Variants in ETV6 observed in about 807,000 individuals in gnomAD.
ETV6 encodes ETS variant transcription factor 6.
Under a neutral mutation model 51.1 loss-of-function variants are expected in ETV6, and 16 were observed. The ratio of observed to expected loss-of-function variants is 0.31; its 90% CI spans 0.21 to 0.48. ETV6 has a LOEUF of 0.48. Among genes scored for constraint, ETV6 ranks in the 20% least tolerant of loss-of-function variants. The pLI, the probability that ETV6 is intolerant of heterozygous loss-of-function variation, is 0.99. For missense variants in ETV6, 458 were observed against 594.8 expected (o/e 0.77, Z 2.39); for synonymous variants, 240 against 224.1 (o/e 1.07, Z -0.64).
intron 2 of ETV6, among the ~76,000 whole-genome samples, chr12:11,799,709 C>G (rs983813799): frequency 6.6e-6 from 1 of 152,154 alleles, no homozygotes; most frequent in Non-Finnish European, 1.5e-5. Flanking sequence ...CTTCTTGGTC[C>G]CCAAACTGGG....
intron 2 of ETV6, among the ~76,000 whole-genome samples, chr12:11,808,208 G>A (rs544963259): frequency 1.8e-4 from 27 of 152,320 alleles, no homozygotes; most frequent in Admixed American, 1.1e-3. Flanking sequence ...AAGGGCAGTA[G>A]AATTGAGCCC....
intron 3 of ETV6, among the ~76,000 whole-genome samples, chr12:11,847,675 G>T (rs578239340): frequency 2.0e-5 from 3 of 152,208 alleles, no homozygotes; most frequent in Non-Finnish European, 2.9e-5. Context: ...ACAACAGGGA[G>T]GTGACCTGAG....
Position 11,890,998 on chromosome 12 carries a change from A to G in ETV6, c.1311A>G (p.Leu437=), listed in dbSNP as rs766535859. ...GCCGAACAGACCGTCTGGAGCACCT[A>G]GAGTCCCAGGAGCTGGATGAACAAA... ...MSGRTDRLEH[L]ESQELDEQIY... Residue 437 remains leucine (L), a synonymous_variant, in exon 8 of 8, where the codon CTA becomes CTG. Transcript: ENST00000396373. 3.5e-5 allele frequency: 56 copies of G among 1,613,932 alleles called. No homozygotes were observed. The highest frequency in any genetic ancestry group is 4.6e-5 in the Non-Finnish European group (54 of 1,179,840).
chr12:11,664,548 C>G (rs1039690188), intron 1 of ETV6, among the ~76,000 whole-genome samples: 2 of 152,168 alleles, frequency 1.3e-5, no homozygotes, highest in Non-Finnish European at 2.9e-5. Flanking sequence ...AGTCACCTCT[C>G]TGTCATTCTT....
At chr12:11,742,719 A>G (rs1184646031) in intron 1 of ETV6, among the ~76,000 whole-genome samples, 5 of 152,138 alleles carry the variant, frequency 3.3e-5, no homozygotes, top group Admixed American at 2.0e-4. Context: ...CTTCATCATA[A>G]TAACACCTTG....
chr12:11,723,257 G>A (rs1325615645), intron 1 of ETV6, among the ~76,000 whole-genome samples: 1 of 152,070 alleles, frequency 6.6e-6, no homozygotes, highest in East Asian at 1.9e-4. Flanking sequence ...AGTATGACAC[G>A]GTTATAGGCT....
chr12:11,800,532 T>C (rs1237162678), intron 2 of ETV6, among the ~76,000 whole-genome samples: 1 of 151,492 alleles, frequency 6.6e-6, no homozygotes, highest in Non-Finnish European at 1.5e-5. Context: ...AACTGACGTT[T>C]TGTATCCTTT....
intron 2 of ETV6, among the ~76,000 whole-genome samples, chr12:11,794,821 C>T (rs1275408325): frequency 1.3e-5 from 2 of 152,182 alleles, no homozygotes. Context: ...ATGAGATTTG[C>T]CATTGAGGCA....
rs1565555150 is a variant in ETV6, at chr12:11,859,118, G to GCTTT, written c.463+5557_463+5558insCTTT. On this transcript the variant is annotated intron_variant, in intron 4 of 7. Coordinates refer to ENST00000396373, the MANE Select transcript of ETV6 (RefSeq NM_001987.5). ...TAAAGAAGATGAGGTATATGAATCTGGTTTTTTTTTTTTTTTTTTTTTTTT... is the reference window on the plus strand; with the variant it reads ...TAAAGAAGATGAGGTATATGAATCTGCTTTGTTTTTTTTTTTTTTTTTTTTTTTT... Among the ~76,000 whole-genome samples the GCTTT allele has an allele frequency of 4.5e-3, 189 of 41,800 alleles. 89 individuals carry two copies. Among genetic ancestry groups the GCTTT allele is most frequent in the Middle Eastern group, 0.024 (2 of 84 alleles). The allele number at this position is 41,800 out of a possible 152,430, so 27.4% of individuals were successfully genotyped here.
At chr12:11,860,826 T>G (rs1946705688) in intron 4 of ETV6, among the ~76,000 whole-genome samples, 1 of 152,204 alleles carries the variant, frequency 6.6e-6, no homozygotes, top group African/African-American at 2.4e-5. Flanking sequence ...CTTCCACTTT[T>G]CTTAACCATT....
chr12:11,736,459 T>C lies in ETV6; in HGVS notation c.34-15991T>C, dbSNP rs1458350434. 5.0e-4 allele frequency among the ~76,000 whole-genome samples: 76 copies of C among 152,242 alleles called. 1 individual carries two copies. Among genetic ancestry groups the C allele is most frequent in the Admixed American group, 4.7e-3 (72 of 15,286 alleles). On this transcript the variant is annotated intron_variant, in intron 1 of 7. Coordinates refer to ENST00000396373, the MANE Select transcript of ETV6 (RefSeq NM_001987.5). Reference sequence around the variant, plus strand: ...CAAGTCTGTCCAGGTATACTTGATATTGTTTTTGATCAGGTACAAGAAACG... The same window carrying C: ...CAAGTCTGTCCAGGTATACTTGATACTGTTTTTGATCAGGTACAAGAAACG...
At chr12:11,759,249 A>ATT (rs1422394263) in intron 2 of ETV6, among the ~76,000 whole-genome samples, 3 of 151,678 alleles carry the variant, frequency 2.0e-5, no homozygotes, top group African/African-American at 7.3e-5. Context: ...CTCTGTGTAC[A>ATT]TTTAAGGCAG....
chr12:11,871,800 G>T (rs1946885215), intron 5 of ETV6, among the ~76,000 whole-genome samples: 1 of 152,112 alleles, frequency 6.6e-6, no homozygotes. Flanking sequence ...ATGCATGGGG[G>T]TTAATATTAT....
At chr12:11,824,128 T>C (rs1565540034) in intron 2 of ETV6, among the ~76,000 whole-genome samples, 1 of 152,244 alleles carries the variant, frequency 6.6e-6, no homozygotes, top group African/African-American at 2.4e-5. Flanking sequence ...TGACAGAGTC[T>C]GGGAGGACAG....
chr12:11,852,258 T>C (rs1331793584), intron 3 of ETV6, among the ~76,000 whole-genome samples: 2 of 152,190 alleles, frequency 1.3e-5, no homozygotes, highest in Admixed American at 6.5e-5. Flanking sequence ...ATACCAAATA[T>C]ATCAGAACAG....
In ETV6 at chr12:11,650,489, A is replaced by ACAAAC. The variant is rs202226103; in HGVS notation, c.33+329_33+330insCAAAC. On this transcript the variant is annotated intron_variant, in intron 1 of 7. Coordinates refer to ENST00000396373, the MANE Select transcript of ETV6 (RefSeq NM_001987.5). ...CCCGTAATTAGTGCGCTTAAAAAAA[A>ACAAAC]AAAAAACAAAAAACAAAAAAAAAAA... is the stretch of plus-strand genomic sequence containing the variant. 4.9e-3 allele frequency among the ~76,000 whole-genome samples: 328 copies of ACAAAC among 67,434 alleles called. 10 individuals carry two copies. Among genetic ancestry groups the ACAAAC allele is most frequent in the African/African-American group, 0.014 (310 of 22,652 alleles). 44.2% of individuals were successfully genotyped at this position (67,434 alleles called of 152,430 possible).
chr12:11,695,489 T>A (rs1453610529), intron 1 of ETV6, among the ~76,000 whole-genome samples: 1 of 152,196 alleles, frequency 6.6e-6, no homozygotes, highest in East Asian at 1.9e-4. Context: ...TACAATCCCT[T>A]CCAGTTTTGC....
intron 2 of ETV6, among the ~76,000 whole-genome samples, chr12:11,805,471 G>A (rs1298385972): frequency 6.6e-6 from 1 of 152,150 alleles, no homozygotes; most frequent in Non-Finnish European, 1.5e-5. Flanking sequence ...TACATGTGGA[G>A]GTAAAAGCAT....
intron 2 of ETV6, among the ~76,000 whole-genome samples, chr12:11,774,477 A>G (rs1591664335): frequency 6.6e-6 from 1 of 152,194 alleles, no homozygotes; most frequent in Admixed American, 6.5e-5. Context: ...TGCCCTGCAC[A>G]CCTGCCTGTC....
Sources: gnomAD v4.1 joint callset for allele counts (sites outside exome capture counted in the v4.1 genomes callset) on GRCh38, gnomAD v4.1.1 for gene constraint, MANE v1.5 for transcripts, NCBI Gene and HGNC (gene_info 2026-07-23, HGNC 2026-07-21) for gene names.